The following SRRM4 variants were observed in gnomAD, a reference collection of about 807,000 sequenced individuals.
The protein encoded by SRRM4 is serine/arginine repetitive matrix 4.
Under a neutral mutation model 68.9 loss-of-function variants are expected in SRRM4, and 33 were observed. That is an observed-to-expected ratio of 0.48 (90% CI 0.36 to 0.64). The LOEUF (loss-of-function observed/expected upper bound fraction) is 0.64, where lower values mean the gene tolerates loss of function less well. Ranked by LOEUF, SRRM4 falls within the 30% of genes least tolerant of loss-of-function variation. SRRM4 has a pLI of 0.00. For synonymous variants in SRRM4, 318 were observed against 318.8 expected (o/e 1.00, Z 0.03); for missense variants, 817 against 827.1 (o/e 0.99, Z 0.15).
chr12:119,132,745 T>G (rs921522923), intron 8 of SRRM4, among the ~76,000 whole-genome samples: 6 of 152,154 alleles, frequency 3.9e-5, no homozygotes, highest in African/African-American at 1.4e-4. Context: ...CACCTGTACC[T>G]ATAAGAGAGG....
intron 1 of SRRM4, among the ~76,000 whole-genome samples, chr12:119,029,201 T>C (rs1021009492): frequency 6.6e-6 from 1 of 152,096 alleles, no homozygotes; most frequent in Non-Finnish European, 1.5e-5. Context: ...CAGAACCTGC[T>C]CCCTTATTCC....
intron 9 of SRRM4, 135 bp from the exon 10 acceptor site, chr12:119,150,882 G>A (rs907842027): frequency 5.3e-6 from 4 of 747,780 alleles, no homozygotes; most frequent in African/African-American, 3.5e-5. Flanking sequence ...TCTTTCCAGA[G>A]AGAATAGGAT....
chr12:119,157,101 G>A lies in SRRM4; in HGVS notation c.*303G>A. The A allele has an allele frequency of 2.8e-6, 1 of 361,924 alleles. No homozygotes were observed. Among genetic ancestry groups the A allele is most frequent in the East Asian group, 4.6e-5 (1 of 21,630 alleles). The allele number at this position is 361,924 out of a possible 1,614,324, so 22.4% of individuals were successfully genotyped here. ...TTCAAGGTTTTGTGAGAAGCAATGG[G>A]TCTGTGACTCAAAAATTGAGCCCTG... On this transcript the variant is annotated 3_prime_UTR_variant, in exon 13 of 13. Coordinates refer to ENST00000267260, the MANE Select transcript of SRRM4 (RefSeq NM_194286.4). The surrounding 1 kb of genome is among the most constrained non-coding windows in gnomAD (Gnocchi z 4.1).
chr12:118,988,490 G>T (rs1953296935), intron 1 of SRRM4, among the ~76,000 whole-genome samples: 1 of 152,176 alleles, frequency 6.6e-6, no homozygotes, highest in African/African-American at 2.4e-5. Context: ...TGTCCTTCAT[G>T]GACCAGCTCT....
At chr12:119,039,261 C>T (rs1391312523) in intron 1 of SRRM4, among the ~76,000 whole-genome samples, 1 of 152,146 alleles carries the variant, frequency 6.6e-6, no homozygotes, top group Non-Finnish European at 1.5e-5. Flanking sequence ...CACTGCGCGG[C>T]ACACCAAGAA....
chr12:119,122,292 CAGGA>C (rs56030105), intron 6 of SRRM4, among the ~76,000 whole-genome samples, 172 bp downstream of exon 6: 1,940 of 69,488 alleles, frequency 0.028, 58 homozygotes, highest in East Asian at 0.13. Context: ...GGCAGGAAGG[CAGGA>C]AGGAAGGAAG....
chr12:119,044,884 A>T (rs987128645), intron 1 of SRRM4, among the ~76,000 whole-genome samples: 1 of 152,130 alleles, frequency 6.6e-6, no homozygotes, highest in African/African-American at 2.4e-5. Context: ...TATGAATGTG[A>T]ACTCTATGCA....
intron 1 of SRRM4, among the ~76,000 whole-genome samples, chr12:119,016,276 T>C (rs1211928938): frequency 5.3e-5 from 8 of 152,094 alleles, no homozygotes; most frequent in Non-Finnish European, 1.2e-4. Context: ...GTATGTCAGT[T>C]GTTTTAAGCC....
chr12:119,023,539 C>T (rs1953529381), intron 1 of SRRM4, among the ~76,000 whole-genome samples: 1 of 152,166 alleles, frequency 6.6e-6, no homozygotes, highest in Admixed American at 6.5e-5. Flanking sequence ...GTGTCCTAGG[C>T]AAGCAGAGCT....
chr12:118,999,850 A>G (rs1253488570), intron 1 of SRRM4, among the ~76,000 whole-genome samples: 2 of 152,222 alleles, frequency 1.3e-5, no homozygotes, highest in African/African-American at 4.8e-5. Context: ...TACTTTGCAT[A>G]TATACAGTGT....
At chr12:119,045,267 G>T (rs1204446842) in intron 1 of SRRM4, among the ~76,000 whole-genome samples, 1 of 152,044 alleles carries the variant, frequency 6.6e-6, no homozygotes, top group East Asian at 1.9e-4. Context: ...TTTCCACATT[G>T]CCACGCTTTC....
At chr12:119,136,694 T>C (rs182587800) in intron 8 of SRRM4, among the ~76,000 whole-genome samples, 2 of 152,294 alleles carry the variant, frequency 1.3e-5, no homozygotes, top group Non-Finnish European at 2.9e-5. Flanking sequence ...TTATTTTTTC[T>C]TGTTTCAATT....
chr12:119,127,268 T>C (rs994688552), intron 7 of SRRM4, among the ~76,000 whole-genome samples: 2 of 152,162 alleles, frequency 1.3e-5, no homozygotes, highest in Non-Finnish European at 2.9e-5. Flanking sequence ...GAATCGTTGA[T>C]GTTCAATGGG....
At chr12:119,096,178 G>A (rs1323490486) in intron 1 of SRRM4, among the ~76,000 whole-genome samples, 7 of 142,404 alleles carry the variant, frequency 4.9e-5, no homozygotes, top group African/African-American at 1.8e-4. Flanking sequence ...CCGCCACCAC[G>A]CCCAGCTAAT....
chr12:119,098,569 G>A (rs1954059039), intron 1 of SRRM4, among the ~76,000 whole-genome samples: 1 of 152,198 alleles, frequency 6.6e-6, no homozygotes, highest in African/African-American at 2.4e-5. Flanking sequence ...TTGCTCGCAG[G>A]GAGCTCATAG....
chr12:119,128,948 G>C (rs758410277), intron 7 of SRRM4, among the ~76,000 whole-genome samples: 3 of 152,174 alleles, frequency 2.0e-5, no homozygotes, highest in Non-Finnish European at 1.5e-5. Context: ...CTTCCTAGCA[G>C]AAATGGAAGC....
intron 4 of SRRM4, among the ~76,000 whole-genome samples, chr12:119,117,773 G>A (rs190542485): frequency 9.7e-4 from 147 of 152,282 alleles, no homozygotes; most frequent in Non-Finnish European, 1.7e-3. Flanking sequence ...TTAGCCAGGT[G>A]TGGTGGCACG....
chr12:119,098,083 G>A (rs957902766), intron 1 of SRRM4, among the ~76,000 whole-genome samples: 4 of 152,170 alleles, frequency 2.6e-5, no homozygotes, highest in Non-Finnish European at 5.9e-5. Context: ...TGCTCTCTTG[G>A]ATTGATCATT....
At chr12:119,035,304 C>T (rs1953619624) in intron 1 of SRRM4, among the ~76,000 whole-genome samples, 1 of 152,168 alleles carries the variant, frequency 6.6e-6, no homozygotes, top group African/African-American at 2.4e-5. Flanking sequence ...TAATTCTCCC[C>T]TGCTTTGCTG....
Sources: gnomAD v4.1 joint callset for allele counts (sites outside exome capture counted in the v4.1 genomes callset) on GRCh38, gnomAD v4.1.1 for gene constraint, Gnocchi (gnomAD v3.1) non-coding constraint, MANE v1.5 for transcripts, NCBI Gene and HGNC (gene_info 2026-07-23, HGNC 2026-07-21) for gene names.